ALDH5A1: variants seen among roughly 807,000 people sequenced by gnomAD.
ALDH5A1 encodes the protein aldehyde dehydrogenase 5 family member A1.
In ALDH5A1, 33 loss-of-function variants were observed where a neutral mutation model predicts 54.7. That is an observed-to-expected ratio of 0.60 (90% CI 0.46 to 0.81). The LOEUF (loss-of-function observed/expected upper bound fraction) is 0.81. ALDH5A1 is among the 30% of genes least tolerant of loss of function. The probability of loss-of-function intolerance (pLI) is 0.00; values close to 1 mark genes in which losing one functional copy is unlikely to be tolerated. For synonymous variants in ALDH5A1, 294 were observed against 292.7 expected (o/e 1.00, Z -0.05); for missense variants, 657 against 711.0 (o/e 0.92, Z 0.86).
intron 5 of ALDH5A1, among the ~76,000 whole-genome samples, chr6:24,516,296 C>T (rs1186746308): frequency 2.6e-5 from 4 of 151,368 alleles, no homozygotes; most frequent in African/African-American, 9.7e-5. Flanking sequence ...ATTAGCTGGG[C>T]GTGGTGGCGG....
rs1760057439 is a variant in ALDH5A1 at position 24,536,740 on chromosome 6, G to A, written c.*3028G>A. Reference sequence around the variant, plus strand: ...CCTTGAACTTCCTCCAGCTATGCAGGGATTCTCATTAAAGAGCTGATCTGC... The same window carrying A: ...CCTTGAACTTCCTCCAGCTATGCAGAGATTCTCATTAAAGAGCTGATCTGC... On this transcript the variant is annotated 3_prime_UTR_variant, in exon 10 of 10. Transcript: ENST00000357578. 1 of 152,230 alleles carries A rather than the reference G, an allele frequency of 6.6e-6. No individual in the cohort carries two copies. Among genetic ancestry groups the A allele is most frequent in the East Asian group, 1.9e-4 (1 of 5,198 alleles). The allele number at this position is 152,230 out of a possible 1,614,324, so 9.4% of individuals were successfully genotyped here.
chr6:24,522,578 G>A (rs1337567424), intron 6 of ALDH5A1, 189 bp from the exon 7 acceptor site: 1 of 584,014 alleles, frequency 1.7e-6, no homozygotes, highest in Non-Finnish European at 3.1e-6. Flanking sequence ...GGAACTGGAG[G>A]GGAACATGCA....
intron 4 of ALDH5A1, among the ~76,000 whole-genome samples, chr6:24,508,374 AAAAAAAAAAAAAAAGAT>A (rs1478482552): frequency 2.0e-5 from 1 of 51,142 alleles, no homozygotes; most frequent in Non-Finnish European, 5.8e-5. Flanking sequence ...AAAAAAAAAA[AAAAAAAAAAAAAAAGAT>A]TAATAGTCTC....
intron 1 of ALDH5A1, among the ~76,000 whole-genome samples, chr6:24,498,760 T>C (rs1025127935): frequency 1.3e-5 from 2 of 152,088 alleles, no homozygotes; most frequent in Non-Finnish European, 2.9e-5. Flanking sequence ...GGTCAGGAGT[T>C]CGAGACCAGC....
rs776598651 is a variant in ALDH5A1, at chr6:24,504,934, C to T, written c.675C>T (p.Val225=). 52 of 1,614,118 alleles carry T rather than the reference C, an allele frequency of 3.2e-5. 1 individual carries two copies. The highest frequency in any genetic ancestry group is 3.2e-4 in the South Asian group (29 of 91,088). The change falls in exon 4 of 10, where the codon GTC becomes GTT. Residue 225 remains valine (V), a synonymous_variant. Coordinates refer to ENST00000357578, the MANE Select transcript of ALDH5A1 (RefSeq NM_001080.3). ...CCGCCCTGGCAGCCGGCTGTACTGTCGTGGTGAAGCCTGCCGAAGACACGC... is the reference window on the plus strand; with the variant it reads ...CCGCCCTGGCAGCCGGCTGTACTGTTGTGGTGAAGCCTGCCGAAGACACGC... ...VGAALAAGCT[V]VVKPAEDTPF... is the part of the protein sequence containing the mutation.
intron 4 of ALDH5A1, among the ~76,000 whole-genome samples, chr6:24,510,610 TAAG>T (rs1361049490): frequency 6.6e-6 from 1 of 152,204 alleles, no homozygotes; most frequent in East Asian, 1.9e-4. Flanking sequence ...TTGTCTAATA[TAAG>T]AATAGCTACT....
chr6:24,527,666 A>C (rs1460910599), intron 7 of ALDH5A1, among the ~76,000 whole-genome samples: 3 of 152,224 alleles, frequency 2.0e-5, no homozygotes, highest in African/African-American at 7.2e-5. Context: ...GGGATCCAAG[A>C]AGCTAGAAAT....
chr6:24,500,580 GA>G (rs1389494320), intron 1 of ALDH5A1, among the ~76,000 whole-genome samples: 4 of 151,902 alleles, frequency 2.6e-5, no homozygotes, highest in Non-Finnish European at 5.9e-5. Context: ...CCAGGAGTCT[GA>G]GGTTGCAGTG....
At chr6:24,510,867 T>C (rs1940980471) in intron 4 of ALDH5A1, among the ~76,000 whole-genome samples, 1 of 151,744 alleles carries the variant, frequency 6.6e-6, no homozygotes, top group African/African-American at 2.4e-5. Flanking sequence ...CTGAATACTT[T>C]TGGGTTTTGT....
chr6:24,496,391 C>T (rs182366321), intron 1 of ALDH5A1, among the ~76,000 whole-genome samples: 131 of 152,306 alleles, frequency 8.6e-4, no homozygotes, highest in African/African-American at 3.1e-3. Context: ...GGAGAGGATC[C>T]GGGCCAGAGG....
chr6:24,532,675 A>G (rs146588825), intron 9 of ALDH5A1, among the ~76,000 whole-genome samples: 135 of 152,190 alleles, frequency 8.9e-4, no homozygotes, highest in African/African-American at 3.1e-3. Context: ...CATGTACTCT[A>G]TAACCCTGAG....
intron 7 of ALDH5A1, 33 bp downstream of exon 7, chr6:24,522,958 T>G: frequency 6.2e-7 from 1 of 1,605,950 alleles, no homozygotes; most frequent in African/African-American, 1.3e-5. Flanking sequence ...GAAAGTAAAT[T>G]TCATGGTTTC....
At chr6:24,500,075 T>C (rs1194317558) in intron 1 of ALDH5A1, among the ~76,000 whole-genome samples, 1 of 152,216 alleles carries the variant, frequency 6.6e-6, no homozygotes, top group Admixed American at 6.5e-5. Context: ...TCCAAAGTGT[T>C]GTGATTACGG....
chr6:24,536,784 G>A lies in ALDH5A1; in HGVS notation c.*3072G>A, dbSNP rs950171791. ...GATCTGCATCTGTTTATCCATTTTA[G>A]TAGCTTTTAAATATGATTTTATGTG... On this transcript the variant is annotated 3_prime_UTR_variant, in exon 10 of 10. Coordinates refer to ENST00000357578, the MANE Select transcript of ALDH5A1 (RefSeq NM_001080.3). The A allele has an allele frequency of 6.6e-6, 1 of 152,506 alleles. No individual in the cohort carries two copies. The highest frequency in any genetic ancestry group is 1.5e-5 in the Non-Finnish European group (1 of 68,040). The allele number at this position is 152,506 out of a possible 1,614,324, so 9.4% of individuals were successfully genotyped here.
rs957953786 is a variant in ALDH5A1 at position 24,509,582 on chromosome 6, C to T, written c.726+4597C>T. Among the ~76,000 whole-genome samples the T allele has an allele frequency of 6.6e-6, 1 of 152,108 alleles. No homozygotes were observed. The highest frequency in any genetic ancestry group is 2.4e-5 in the African/African-American group (1 of 41,428). ...TATATTTCCAGGAATTTATCCATCT[C>T]CTCTCGGTTTTCTAGTTTATGTGTG... On this transcript the variant is annotated intron_variant, in intron 4 of 9. Transcript: ENST00000357578. The surrounding 1 kb of genome is among the most constrained non-coding windows in gnomAD (Gnocchi z 4.7).
Position 24,509,039 on chromosome 6 carries a change from G to T in ALDH5A1, c.726+4054G>T, listed in dbSNP as rs1759413258. Among the ~76,000 whole-genome samples the T allele has an allele frequency of 6.6e-6, 1 of 152,162 alleles. No individual in the cohort carries two copies. The highest frequency in any genetic ancestry group is 1.9e-4 in the East Asian group (1 of 5,200). Reference sequence around the variant, plus strand: ...TAGTCCTTTGTCAGATGTATAGATTGTGAAGACTTTCTCCTGCTCTGTGGG... The same window carrying T: ...TAGTCCTTTGTCAGATGTATAGATTTTGAAGACTTTCTCCTGCTCTGTGGG... On this transcript the variant is annotated intron_variant, in intron 4 of 9. Coordinates refer to ENST00000357578, the MANE Select transcript of ALDH5A1 (RefSeq NM_001080.3). The surrounding 1 kb of genome is among the most constrained non-coding windows in gnomAD (Gnocchi z 4.7).
At position 24,534,666 on chromosome 6, in the gene ALDH5A1, T is replaced by C. The variant is rs1237078586; in HGVS notation, c.*954T>C. On this transcript the variant is annotated 3_prime_UTR_variant, in exon 10 of 10. Transcript: ENST00000357578. ...AAATTCTAAGGACATACAAGAGCCA[T>C]TGTTACGAGCAGCACCGCCCAGCCC... 1 of 152,342 alleles carries C rather than the reference T, an allele frequency of 6.6e-6. No homozygotes were observed. The highest frequency in any genetic ancestry group is 2.4e-5 in the African/African-American group (1 of 41,460). The allele number at this position is 152,342 out of a possible 1,614,324, so 9.4% of individuals were successfully genotyped here.
intron 4 of ALDH5A1, among the ~76,000 whole-genome samples, chr6:24,506,056 CCTATCA>C (rs1434347352): frequency 6.6e-6 from 1 of 151,728 alleles, no homozygotes; most frequent in Non-Finnish European, 1.5e-5. Context: ...AACTACCTAC[CCTATCA>C]CTATTTGTAG....
chr6:24,512,437 A>G (rs1759476943), intron 4 of ALDH5A1, among the ~76,000 whole-genome samples: 1 of 151,560 alleles, frequency 6.6e-6, no homozygotes, highest in South Asian at 2.1e-4. Context: ...TTCACCTTCG[A>G]TTTTTCTTGA....
Sources: allele counts gnomAD v4.1 joint callset (sites outside exome capture counted in the v4.1 genomes callset), GRCh38; gene constraint gnomAD v4.1.1; non-coding constraint Gnocchi (gnomAD v3.1); transcripts MANE v1.5; gene names NCBI Gene and HGNC (gene_info 2026-07-23, HGNC 2026-07-21).